STX1A: variants seen among roughly 807,000 people sequenced by gnomAD.
STX1A encodes syntaxin 1A.
In STX1A, 4 loss-of-function variants were observed where a neutral mutation model predicts 37.8. The ratio of observed to expected loss-of-function variants is 0.11; its 90% CI spans 0.05 to 0.24. The LOEUF (loss-of-function observed/expected upper bound fraction) is 0.24. STX1A is among the 10% of genes least tolerant of loss of function. The probability of loss-of-function intolerance (pLI) is 1.00; values close to 1 mark genes in which losing one functional copy is unlikely to be tolerated. For missense variants in STX1A, 251 were observed against 399.9 expected (o/e 0.63, Z 3.18); for synonymous variants, 135 against 147.4 (o/e 0.92, Z 0.61).
chr7:73,703,538 G>T, intron 7 of STX1A: 2 of 710,668 alleles, frequency 2.8e-6, no homozygotes, highest in Non-Finnish European at 5.1e-6. Context: ...GAGTCCAACT[G>T]GGAGGCATCA....
chr7:73,704,371 G>C lies in STX1A; in HGVS notation c.336C>G (p.Asp112Glu), dbSNP rs1554616484. ...QEEGLNRSSA[D>E]LRIRKTQHST... is the part of the protein sequence containing the mutation. Reference sequence around the variant, plus strand: ...GCACCTGTGTCTTCCGGATCCTCAGGTCAGCGGAGGAGCGGTTCAGGCCTT... The same window carrying C: ...GCACCTGTGTCTTCCGGATCCTCAGCTCAGCGGAGGAGCGGTTCAGGCCTT... The change falls in exon 5 of 10, where the codon GAC becomes GAG. Residue 112 changes from aspartate (D) to glutamate (E), a missense_variant. Physicochemically the swap from Asp to Glu is conservative, Grantham distance 45. This residue lies in a region of STX1A where 214 missense variants were observed against 367.6 expected (regional missense o/e 0.58). Transcript: ENST00000222812. The C allele has an allele frequency of 6.2e-7, 1 of 1,614,164 alleles. No homozygotes were observed. Among genetic ancestry groups the C allele is most frequent in the Non-Finnish European group, 8.5e-7 (1 of 1,180,022 alleles).
In STX1A at chr7:73,706,558, G is replaced by A. The variant is rs960118428; in HGVS notation, c.209-1334C>T. Among the ~76,000 whole-genome samples, 21 of 152,248 alleles carry A rather than the reference G, an allele frequency of 1.4e-4. No homozygotes were observed. The highest frequency in any genetic ancestry group is 6.2e-4 in the South Asian group (3 of 4,826). ...CAGGTCTCAACTGCTCAGCTCACGG[G>A]TGGTGACTCAGAACCGGTCCCTATG... On this transcript the variant is annotated intron_variant, in intron 3 of 9. Coordinates refer to ENST00000222812, the MANE Select transcript of STX1A (RefSeq NM_004603.4). The surrounding 1 kb of genome is among the most constrained non-coding windows in gnomAD (Gnocchi z 4.6).
chr7:73,704,063 A>T (rs1322460239), intron 6 of STX1A, 85 bp downstream of exon 6: 2 of 1,421,324 alleles, frequency 1.4e-6, no homozygotes, highest in African/African-American at 2.9e-5. Context: ...ACTAAGCAGC[A>T]GCCTTGAGCC....
At chr7:73,704,075 C>A (rs1409639496) in intron 6 of STX1A, 73 bp downstream of exon 6, 1 of 1,471,618 alleles carries the variant, frequency 6.8e-7, no homozygotes, top group East Asian at 2.4e-5. Context: ...CCTTGAGCCA[C>A]GCACTCAGCA....
At position 73,705,592 on chromosome 7, in the gene STX1A, G is replaced by C. The variant is rs924073191; in HGVS notation, c.209-368C>G. The stretch of plus-strand genomic sequence containing the variant: ...TGATGCTTGCTGGAGTTGAAGGGGT[G>C]GGGGGGCGGTGTGGGCTCACCTGGT... On this transcript the variant is annotated intron_variant, in intron 3 of 9. Coordinates refer to ENST00000222812, the MANE Select transcript of STX1A (RefSeq NM_004603.4). The surrounding 1 kb of genome is among the most constrained non-coding windows in gnomAD (Gnocchi z 5.2). 2.9e-5 allele frequency: 8 copies of C among 274,836 alleles called. No individual in the cohort carries two copies. The highest frequency in any genetic ancestry group is 4.4e-5 in the African/African-American group (2 of 44,944). The allele number at this position is 274,836 out of a possible 1,614,324, so 17.0% of individuals were successfully genotyped here.
At chr7:73,703,953 G>GCGC in intron 6 of STX1A, 125 bp from the exon 7 acceptor site, 1 of 1,082,206 alleles carries the variant, frequency 9.2e-7, no homozygotes, top group Non-Finnish European at 1.3e-6. Flanking sequence ...GCAGCCTCAG[G>GCGC]CCCCGCCCCC....
At position 73,700,752 on chromosome 7, in the gene STX1A, T is replaced by G. The variant is rs1554615726; in HGVS notation, c.767A>C (p.Lys256Thr). The change falls in exon 9 of 10, where the codon AAG (lysine) becomes ACG (threonine). Residue 256 changes from lysine to threonine, a missense_variant. By Grantham distance (78) the Lys-to-Thr change is moderately conservative (BLOSUM62 -1). Transcript: ENST00000222812. This position sits in a 1 kb window ranked among gnomAD's most constrained non-coding sequence, Gnocchi z 4.4. Reference protein sequence around the residue: ...RAVSDTKKAVKYQSKARRKKI... With the variant: ...RAVSDTKKAVTYQSKARRKKI... ...GACCCGGCGCGCCTTGCTCTGGTAC[T>G]TGACGGCCTTCTTGGTGTCAGACAC... The G allele has an allele frequency of 3.1e-6, 5 of 1,613,858 alleles. No homozygotes were observed. In the South Asian group the frequency reaches 4.4e-5, roughly 14 times the overall value.
At chr7:73,718,223 A>T (rs1160452415) in intron 1 of STX1A, among the ~76,000 whole-genome samples, 1 of 151,908 alleles carries the variant, frequency 6.6e-6, no homozygotes, top group Admixed American at 6.6e-5. Flanking sequence ...TTCCTTTGAA[A>T]CCTCATGGGG....
rs781896614 is a variant in STX1A at position 73,702,884 on chromosome 7, G to A, written c.639C>T (p.His213=). Residue 213 remains histidine (H), a synonymous_variant, in exon 8 of 10, where the codon CAC becomes CAT. Transcript: ENST00000222812. This position sits in a 1 kb window ranked among gnomAD's most constrained non-coding sequence, Gnocchi z 4.7. ...GCATGGCCATGTCCATGAACATGTC[G>A]TGTAGCTCACGGATGCTGTTCTCCA... ...IKLENSIREL[H]DMFMDMAMLV... The A allele has an allele frequency of 6.0e-5, 97 of 1,613,776 alleles. No individual in the cohort carries two copies. The highest frequency in any genetic ancestry group is 7.6e-5 in the Non-Finnish European group (90 of 1,180,034).
rs1798786081 is a variant in STX1A, at chr7:73,704,239, T to C, written c.375A>G (p.Arg125=). ...IRKTQHSTLS[R]KFVEVMSEYN... ...ACTCCGACATGACCTCCACAAACTT[T>C]CTGGACAGCGTGGAGTGCTGGGGGC... The change falls in exon 6 of 10, where the codon AGA becomes AGG. Residue 125 remains arginine, a synonymous_variant. Coordinates refer to ENST00000222812, the MANE Select transcript of STX1A (RefSeq NM_004603.4). 1 of 1,613,950 alleles carries C rather than the reference T, an allele frequency of 6.2e-7. No individual in the cohort carries two copies. Among genetic ancestry groups the C allele is most frequent in the African/African-American group, 1.3e-5 (1 of 75,006 alleles).
chr7:73,718,882 AC>A, intron 1 of STX1A, among the ~76,000 whole-genome samples: 1 of 151,690 alleles, frequency 6.6e-6, no homozygotes, highest in Middle Eastern at 3.4e-3. Flanking sequence ...GTCGCAAGGA[AC>A]CCTGAAGGGT....
rs144490458 is a variant in STX1A, at chr7:73,713,925, C to T, written c.31-4803G>A. 4.7e-3 allele frequency among the ~76,000 whole-genome samples: 716 copies of T among 152,288 alleles called. 3 individuals are homozygous for T. The highest frequency in any genetic ancestry group is 6.6e-3 in the Non-Finnish European group (449 of 68,030). ...CAAACTCAAAGGCCCAAGTGTCTTA[C>T]GGACGGATGTGCCCAGATATCATAC... On this transcript the variant is annotated intron_variant, in intron 1 of 9. Transcript: ENST00000222812.
In STX1A at chr7:73,700,535, G is replaced by C; in HGVS notation, c.790-51C>G. 2.7e-5 allele frequency: 44 copies of C among 1,601,134 alleles called. No individual in the cohort carries two copies. Among genetic ancestry groups the C allele is most frequent in the Non-Finnish European group, 3.8e-5 (44 of 1,172,268 alleles). On this transcript the variant is annotated intron_variant, in intron 9 of 9. Transcript: ENST00000222812. The surrounding 1 kb of genome is among the most constrained non-coding windows in gnomAD (Gnocchi z 4.4). ...CCTCAGACAGTGTTGGCGGCAGGTG[G>C]GGTGGGACTATGGCAAAGGCTGAGG... is the stretch of plus-strand genomic sequence containing the variant.
chr7:73,704,135 A>G lies in STX1A; in HGVS notation c.466+13T>C. The G allele has an allele frequency of 1.9e-5, 17 of 882,876 alleles. No individual in the cohort carries two copies. Among genetic ancestry groups the G allele is most frequent in the Non-Finnish European group, 2.7e-5 (16 of 598,386 alleles). 54.7% of individuals were successfully genotyped at this position (882,876 alleles called of 1,614,324 possible). ...GGCTCCAGGCCCCGCCCCAGGCCCC[A>G]CCCCCAGCTCACTGATCTCCAGCTG... is the stretch of plus-strand genomic sequence containing the variant. On this transcript the variant is annotated intron_variant, in intron 6 of 9. Coordinates refer to ENST00000222812, the MANE Select transcript of STX1A (RefSeq NM_004603.4).
rs868955984 is a variant in STX1A, at chr7:73,700,778, G to A, written c.741C>T (p.Ala247=). 1.2e-5 allele frequency: 20 copies of A among 1,613,672 alleles called. No individual in the cohort carries two copies. The highest frequency in any genetic ancestry group is 6.7e-5 in the African/African-American group (5 of 74,842). ...VEHAVDYVER[A]VSDTKKAVKY... The stretch of plus-strand genomic sequence containing the variant: ...TGACGGCCTTCTTGGTGTCAGACAC[G>A]GCCCTCTCCACATAGTCTACCGCGT... The change falls in exon 9 of 10, where the codon GCC becomes GCT. Residue 247 remains alanine (A), a synonymous_variant. Coordinates refer to ENST00000222812, the MANE Select transcript of STX1A (RefSeq NM_004603.4). The surrounding 1 kb of genome is among the most constrained non-coding windows in gnomAD (Gnocchi z 4.4).
intron 1 of STX1A, among the ~76,000 whole-genome samples, chr7:73,716,403 G>A (rs1167327318): frequency 5.3e-5 from 8 of 152,250 alleles, no homozygotes; most frequent in African/African-American, 7.2e-5. Flanking sequence ...GCAAAGCAGG[G>A]CCCTGGGCCT....
Position 73,702,940 on chromosome 7 carries a change from T to G in STX1A, c.583A>C (p.Ile195Leu). Residue 195 changes from isoleucine to leucine, a missense_variant, in exon 8 of 10, where the codon ATT becomes CTT. By Grantham distance (5) the Ile-to-Leu change is conservative. Around this residue, in one of 2 missense-constraint regions of STX1A, gnomAD observed 214 missense variants for 367.6 expected, o/e 0.58. Transcript: ENST00000222812. The surrounding 1 kb of genome is among the most constrained non-coding windows in gnomAD (Gnocchi z 4.7). ...SSISKQALSE[I>L]ETRHSEIIKL... ...ATGATCTCACTGTGCCGCGTCTCAA[T>G]CTCGCTCAGAGCCTGCTTCGAGATG... 6.2e-7 allele frequency: 1 copy of G among 1,612,210 alleles called. No homozygotes were observed. Among genetic ancestry groups the G allele is most frequent in the Non-Finnish European group, 8.5e-7 (1 of 1,179,542 alleles).
Position 73,700,828 on chromosome 7 carries a change from C to T in STX1A, c.691G>A (p.Asp231Asn), listed in dbSNP as rs529603065. 6.2e-7 allele frequency: 1 copy of T among 1,613,648 alleles called. No individual in the cohort carries two copies. Among genetic ancestry groups the T allele is most frequent in the South Asian group, 1.1e-5 (1 of 91,068 alleles). Residue 231 changes from aspartate to asparagine, a missense_variant, in exon 9 of 10, where the codon GAC (aspartate) becomes AAC (asparagine). Coordinates refer to ENST00000222812, the MANE Select transcript of STX1A (RefSeq NM_004603.4). This position sits in a 1 kb window ranked among gnomAD's most constrained non-coding sequence, Gnocchi z 4.4. Reference protein sequence around the residue: ...MLVESQGEMIDRIEYNVEHAV... With the variant: ...MLVESQGEMINRIEYNVEHAV... ...TGTTCCACATTGTACTCGATCCTGT[C>T]AATCATCTCTCCCTGCGGGGCCGGG... is the stretch of plus-strand genomic sequence containing the variant.
In STX1A at chr7:73,719,602, C is replaced by A. The variant is rs1799423765; in HGVS notation, c.30G>T (p.Thr10=). 8.3e-7 allele frequency: 1 copy of A among 1,207,302 alleles called. No homozygotes were observed. Among genetic ancestry groups the A allele is most frequent in the South Asian group, 4.1e-5 (1 of 24,102 alleles). 74.8% of individuals were successfully genotyped at this position (1,207,302 alleles called of 1,614,324 possible). The change falls in exon 1 of 10, where the codon ACG becomes ACT. Residue 10 remains threonine (T), a splice_region_variant and synonymous_variant. Coordinates refer to ENST00000222812, the MANE Select transcript of STX1A (RefSeq NM_004603.4). The stretch of plus-strand genomic sequence containing the variant: ...GGCCGCGCGCTGGGGCCGGACTCAC[C>A]GTGCGGAGCTCCTGGGTTCGGTCCT... MKDRTQELR[T]AKDSDDDDDV...
Sources: allele counts gnomAD v4.1 joint callset (sites outside exome capture counted in the v4.1 genomes callset), GRCh38; gene constraint gnomAD v4.1.1; regional missense constraint gnomAD v4.1.1; non-coding constraint Gnocchi (gnomAD v3.1); transcripts MANE v1.5; gene names NCBI Gene and HGNC (gene_info 2026-07-23, HGNC 2026-07-21).